SUGCT: variants seen among roughly 807,000 people sequenced by gnomAD.
SUGCT encodes succinyl-CoA:glutarate-CoA transferase.
SUGCT carries 41 observed loss-of-function variants against 55.0 expected under a neutral mutation model. That is an observed-to-expected ratio of 0.74 (90% confidence interval 0.58 to 0.97). The LOEUF (loss-of-function observed/expected upper bound fraction) is 0.97, where lower values mean the gene tolerates loss of function less well. Ranked by LOEUF, SUGCT falls within the 50% of genes least tolerant of loss-of-function variation. The probability of loss-of-function intolerance (pLI) is 0.00; values close to 1 mark genes in which losing one functional copy is unlikely to be tolerated. For synonymous variants in SUGCT, 187 were observed against 200.4 expected (o/e 0.93, Z 0.56); for missense variants, 568 against 547.8 (o/e 1.04, Z -0.37).
chr7:40,394,711 C>T (rs771808370), intron 9 of SUGCT, among the ~76,000 whole-genome samples: 13 of 152,202 alleles, frequency 8.5e-5, no homozygotes, highest in Non-Finnish European at 1.5e-4. Context: ...TCCCTGGTAA[C>T]CACCATTCTA....
At chr7:40,910,380 G>A in the SUGCT span, among the ~76,000 whole-genome samples, 1 of 152,104 alleles carries the variant, frequency 6.6e-6, no homozygotes, top group Non-Finnish European at 1.5e-5. Context: ...GTTGGTACTT[G>A]CTATCTACAG....
chr7:40,438,508 T>G (rs2151402167), intron 9 of SUGCT, among the ~76,000 whole-genome samples: 1 of 152,280 alleles, frequency 6.6e-6, no homozygotes, highest in South Asian at 2.1e-4. Context: ...TGAATTTTGT[T>G]GTGCCAGAAT....
At chr7:40,190,665 T>C (rs977999404) in intron 5 of SUGCT, among the ~76,000 whole-genome samples, 10 of 152,040 alleles carry the variant, frequency 6.6e-5, no homozygotes, top group Non-Finnish European at 1.5e-4. Context: ...ATTATTCCTA[T>C]GTTCCTGATG....
chr7:40,484,118 T>G lies in SUGCT; in HGVS notation c.987-12166T>G, dbSNP rs543016505. 5.3e-5 allele frequency among the ~76,000 whole-genome samples: 8 copies of G among 152,280 alleles called. No homozygotes were observed. In the East Asian group the frequency reaches 1.2e-3, roughly 22 times the overall value. On this transcript the variant is annotated intron_variant, in intron 11 of 13. Coordinates refer to ENST00000335693, the MANE Select transcript of SUGCT (RefSeq NM_001193313.2). ...AGCAACTTGCCCATGGTCACAAAAG[T>G]AGATTAAGATTAAATGTCAGACTTA...
chr7:40,880,220 A>T, the SUGCT span, among the ~76,000 whole-genome samples: 1 of 152,202 alleles, frequency 6.6e-6, no homozygotes, highest in Non-Finnish European at 1.5e-5. Flanking sequence ...TAGCTCCTGG[A>T]AACTGATGTG....
chr7:40,287,538 C>T (rs574425030), intron 8 of SUGCT, among the ~76,000 whole-genome samples: 6 of 151,164 alleles, frequency 4.0e-5, no homozygotes, highest in South Asian at 2.1e-4. Flanking sequence ...CTGTCTGTCA[C>T]GCAGGCTGGA....
Position 40,860,701 on chromosome 7 carries a change from A to G in SUGCT, c.*222A>G. The G allele has an allele frequency of 2.5e-6, 1 of 400,484 alleles. No individual in the cohort carries two copies. The highest frequency in any genetic ancestry group is 4.2e-5 in the Admixed American group (1 of 23,820). The allele number at this position is 400,484 out of a possible 1,614,324, so 24.8% of individuals were successfully genotyped here. On this transcript the variant is annotated 3_prime_UTR_variant, in exon 14 of 14. Transcript: ENST00000335693. ...TCCCTACCATCTTTTTTTTCAGATG[A>G]TGATTTCATTATGGATTTGTGGGAT...
chr7:40,833,799 C>T (rs1032556742), intron 13 of SUGCT, among the ~76,000 whole-genome samples: 3 of 152,172 alleles, frequency 2.0e-5, no homozygotes, highest in Non-Finnish European at 4.4e-5. Flanking sequence ...GAGAGTTCTC[C>T]TCTCCCACAG....
At chr7:40,140,719 A>G (rs1356340199) in intron 1 of SUGCT, among the ~76,000 whole-genome samples, 2 of 152,068 alleles carry the variant, frequency 1.3e-5, no homozygotes, top group Non-Finnish European at 2.9e-5. Context: ...GTTTTTATAG[A>G]CACTATGAGT....
chr7:40,150,494 C>T (rs1462779914), intron 1 of SUGCT, among the ~76,000 whole-genome samples: 3 of 152,120 alleles, frequency 2.0e-5, no homozygotes, highest in Non-Finnish European at 2.9e-5. Flanking sequence ...CATAGTGAAA[C>T]CACATCTCTA....
intron 12 of SUGCT, among the ~76,000 whole-genome samples, chr7:40,545,757 G>A (rs977456545): frequency 2.0e-5 from 3 of 152,104 alleles, no homozygotes; most frequent in Non-Finnish European, 4.4e-5. Context: ...CAGTTATATA[G>A]AGAATAACAA....
At chr7:40,439,875 A>T (rs1430224643) in intron 9 of SUGCT, among the ~76,000 whole-genome samples, 2 of 152,076 alleles carry the variant, frequency 1.3e-5, no homozygotes, top group African/African-American at 4.8e-5. Context: ...TCCGTGATTC[A>T]TGTCAAACTG....
At chr7:40,568,312 A>G (rs1368055864) in intron 12 of SUGCT, among the ~76,000 whole-genome samples, 1 of 152,074 alleles carries the variant, frequency 6.6e-6, no homozygotes. Flanking sequence ...ATATTTCTTT[A>G]TCAGTGATAC....
At chr7:40,851,595 C>T (rs868302217) in intron 13 of SUGCT, among the ~76,000 whole-genome samples, 1 of 152,164 alleles carries the variant, frequency 6.6e-6, no homozygotes, top group African/African-American at 2.4e-5. Context: ...TGTCATTATC[C>T]TACACCGCTC....
intron 1 of SUGCT, among the ~76,000 whole-genome samples, chr7:40,137,402 T>C (rs1237642199): frequency 7.2e-5 from 11 of 152,200 alleles, no homozygotes; most frequent in Admixed American, 7.2e-4. Context: ...AACTCTGCAA[T>C]TAAATGGTGT....
chr7:40,966,826 A>G, the SUGCT span: 4 of 152,358 alleles, frequency 2.6e-5, no homozygotes, highest in African/African-American at 9.6e-5. Flanking sequence ...AGAGGAATAG[A>G]CTGCCACATT....
the SUGCT span, among the ~76,000 whole-genome samples, chr7:40,926,495 T>C: frequency 6.6e-6 from 1 of 152,144 alleles, no homozygotes; most frequent in Non-Finnish European, 1.5e-5. Context: ...AGTTTCTAGA[T>C]TCAAGTAGTT....
At chr7:40,419,092 G>A (rs1210975969) in intron 9 of SUGCT, among the ~76,000 whole-genome samples, 1 of 152,186 alleles carries the variant, frequency 6.6e-6, no homozygotes, top group African/African-American at 2.4e-5. Context: ...GTCTTAATGA[G>A]ATGCAGCAGA....
the SUGCT span, among the ~76,000 whole-genome samples, chr7:40,974,765 CTCT>C: frequency 1.3e-5 from 2 of 152,188 alleles, no homozygotes; most frequent in Non-Finnish European, 2.9e-5. Context: ...TCTCTGAAAT[CTCT>C]TCTTGGGAAA....
Sources: allele counts gnomAD v4.1 joint callset (sites outside exome capture counted in the v4.1 genomes callset), GRCh38; gene constraint gnomAD v4.1.1; transcripts MANE v1.5; gene names NCBI Gene and HGNC (gene_info 2026-07-23, HGNC 2026-07-21).